Variants in SNTG2 observed in about 807,000 individuals in gnomAD.
SNTG2 encodes gamma-2-syntrophin.
A neutral mutation model predicts 70.9 loss-of-function variants in SNTG2; 74 were observed. The observed-to-expected ratio is 1.04, with a 90% CI of 0.86 to 1.27. The LOEUF is 1.27. Among genes scored for constraint, SNTG2 ranks in the 50% most tolerant of loss-of-function variants. The pLI is 0.00. For synonymous variants in SNTG2, 278 were observed against 273.8 expected (o/e 1.02, Z -0.15); for missense variants, 717 against 690.7 (o/e 1.04, Z -0.43).
intron 1 of SNTG2, among the ~76,000 whole-genome samples, chr2:1,077,063 A>T (rs1663965525): frequency 6.6e-6 from 1 of 152,336 alleles, no homozygotes; most frequent in Non-Finnish European, 1.5e-5. Flanking sequence ...ATGCTGAACT[A>T]AATATTTTTA....
At chr2:1,204,080 C>T (rs1267915900) in intron 8 of SNTG2, among the ~76,000 whole-genome samples, 1 of 152,118 alleles carries the variant, frequency 6.6e-6, no homozygotes, top group Non-Finnish European at 1.5e-5. Flanking sequence ...TATAAAGCAG[C>T]AAAACTAGTC....
chr2:978,008 A>G (rs1660969796), intron 1 of SNTG2, among the ~76,000 whole-genome samples: 1 of 152,246 alleles, frequency 6.6e-6, no homozygotes, highest in Non-Finnish European at 1.5e-5. Flanking sequence ...TATCAAAATC[A>G]GTACTTCTCT....
Position 1,222,119 on chromosome 2 carries a change from C to CTCTCTGTCTCTGTCTCTG in SNTG2, c.719+12900_719+12901insGTCTCTGTCTCTGTCTCT, listed in dbSNP as rs1324021158. ...TGTCTCTCTCTGTCTCTCTCTGTCTCTCTCTGTCTCTCTCTGTCTCTCTCT... is the reference window on the plus strand; with the variant it reads ...TGTCTCTCTCTGTCTCTCTCTGTCTCTCTCTGTCTCTGTCTCTGTCTCTGTCTCTCTCTGTCTCTCTCT... On this transcript the variant is annotated intron_variant, in intron 9 of 16. Transcript: ENST00000308624. Among the ~76,000 whole-genome samples, 72 of 107,714 alleles carry CTCTCTGTCTCTGTCTCTG rather than the reference C, an allele frequency of 6.7e-4. 12 individuals carry two copies. The highest frequency in any genetic ancestry group is 3.0e-3 in the African/African-American group (65 of 21,632). 70.7% of individuals were successfully genotyped at this position (107,714 alleles called of 152,430 possible).
intron 1 of SNTG2, among the ~76,000 whole-genome samples, chr2:1,052,432 A>G (rs4629189): frequency 0.12 from 18,966 of 152,186 alleles, 1,369 homozygotes; most frequent in African/African-American, 0.19. Flanking sequence ...TGCTTTTCAT[A>G]TCTGCGGGAC....
intron 16 of SNTG2, among the ~76,000 whole-genome samples, chr2:1,318,848 C>T (rs1351951688): frequency 2.0e-5 from 3 of 152,218 alleles, no homozygotes; most frequent in East Asian, 3.9e-4. Context: ...GTGAGGGTGC[C>T]GGAGGTCTAC....
chr2:1,029,226 T>C (rs973209506), intron 1 of SNTG2, among the ~76,000 whole-genome samples: 6 of 152,354 alleles, frequency 3.9e-5, no homozygotes, highest in Admixed American at 2.6e-4. Flanking sequence ...CAGCTAACTA[T>C]AGGAGGCTAG....
intron 9 of SNTG2, among the ~76,000 whole-genome samples, chr2:1,229,104 G>A (rs1316119353): frequency 6.6e-6 from 1 of 152,148 alleles, no homozygotes; most frequent in Non-Finnish European, 1.5e-5. Context: ...TTATTGCAAA[G>A]AGCAAAAGAA....
At chr2:995,126 G>C (rs1438078262) in intron 1 of SNTG2, among the ~76,000 whole-genome samples, 1 of 151,674 alleles carries the variant, frequency 6.6e-6, no homozygotes, top group East Asian at 1.9e-4. Context: ...AAGAATAAAC[G>C]TATTTGTCCC....
At chr2:1,238,039 G>A in intron 10 of SNTG2, 22 bp downstream of exon 10, 14 of 1,600,148 alleles carry the variant, frequency 8.7e-6, no homozygotes, top group Non-Finnish European at 1.2e-5. Flanking sequence ...GTGTTTCTGA[G>A]TCTCTGCTGA....
chr2:1,163,033 G>T (rs1670434866), intron 6 of SNTG2, among the ~76,000 whole-genome samples: 1 of 152,236 alleles, frequency 6.6e-6, no homozygotes, highest in African/African-American at 2.4e-5. Flanking sequence ...TGTGGAGCAT[G>T]ACAGGAAGGC....
At chr2:1,101,211 G>A (rs1317624796) in intron 4 of SNTG2, among the ~76,000 whole-genome samples, 1 of 152,006 alleles carries the variant, frequency 6.6e-6, no homozygotes, top group African/African-American at 2.4e-5. Context: ...CTGCCTGCCT[G>A]CCCCTGCTGC....
At chr2:1,229,825 C>T (rs1572807461) in intron 9 of SNTG2, among the ~76,000 whole-genome samples, 3 of 152,244 alleles carry the variant, frequency 2.0e-5, no homozygotes, top group South Asian at 4.1e-4. Context: ...GTACACCCTC[C>T]GCAGCCGCTG....
At chr2:991,117 T>C (rs1661476851) in intron 1 of SNTG2, among the ~76,000 whole-genome samples, 1 of 152,146 alleles carries the variant, frequency 6.6e-6, no homozygotes, top group African/African-American at 2.4e-5. Flanking sequence ...TCTCTTAATT[T>C]GCCTGTTTCT....
At chr2:1,212,416 G>A (rs933782181) in intron 9 of SNTG2, among the ~76,000 whole-genome samples, 1 of 152,166 alleles carries the variant, frequency 6.6e-6, no homozygotes, top group East Asian at 1.9e-4. Context: ...AGCTGGTTAA[G>A]CCTCTTTTCT....
chr2:1,347,762 G>T (rs905707639), intron 16 of SNTG2, among the ~76,000 whole-genome samples: 2 of 152,232 alleles, frequency 1.3e-5, no homozygotes, highest in African/African-American at 4.8e-5. Context: ...CAGTCCCAGG[G>T]AGACATGAAT....
At chr2:1,320,392 C>G (rs964549347) in intron 16 of SNTG2, among the ~76,000 whole-genome samples, 1 of 151,616 alleles carries the variant, frequency 6.6e-6, no homozygotes, top group African/African-American at 2.4e-5. Flanking sequence ...ATTAGCCGGG[C>G]CTGGTTGCGG....
chr2:1,305,323 T>C (rs1199384761), intron 14 of SNTG2, among the ~76,000 whole-genome samples: 1 of 152,244 alleles, frequency 6.6e-6, no homozygotes, highest in Non-Finnish European at 1.5e-5. Context: ...AATATTTAAA[T>C]TACTAATTTT....
chr2:1,337,094 T>G (rs767716547), intron 16 of SNTG2, among the ~76,000 whole-genome samples: 19 of 152,162 alleles, frequency 1.2e-4, no homozygotes, highest in Non-Finnish European at 2.5e-4. Flanking sequence ...TATATGCATA[T>G]ACCCAACACT....
chr2:1,281,008 G>C (rs1027828357), intron 14 of SNTG2, among the ~76,000 whole-genome samples: 9 of 152,236 alleles, frequency 5.9e-5, no homozygotes, highest in African/African-American at 2.2e-4. Context: ...TAACATCGGT[G>C]CCCACTTTAC....
Sources: gnomAD v4.1 joint callset for allele counts (sites outside exome capture counted in the v4.1 genomes callset) on GRCh38, gnomAD v4.1.1 for gene constraint, MANE v1.5 for transcripts, NCBI Gene and HGNC (gene_info 2026-07-23, HGNC 2026-07-21) for gene names.